Variants in SEMA5A observed in about 807,000 individuals in gnomAD.
The protein encoded by SEMA5A is semaphorin 5A.
In SEMA5A, 55 loss-of-function variants were observed where a neutral mutation model predicts 135.5. The ratio of observed to expected loss-of-function variants is 0.41; its 90% CI spans 0.33 to 0.51. The LOEUF (loss-of-function observed/expected upper bound fraction) is 0.51, where lower values mean the gene tolerates loss of function less well. Ranked by LOEUF, SEMA5A falls within the 20% of genes least tolerant of loss-of-function variation. The pLI is 0.37. For missense variants in SEMA5A, 1,290 were observed against 1,419.9 expected, an observed-to-expected ratio of 0.91 and a Z score of 1.47; for synonymous variants, 580 against 546.5, an observed-to-expected ratio of 1.06 and a Z score of -0.85.
intron 11 of SEMA5A, among the ~76,000 whole-genome samples, chr5:9,161,740 T>C (rs1191702784): frequency 6.6e-6 from 1 of 152,182 alleles, no homozygotes; most frequent in Non-Finnish European, 1.5e-5. Flanking sequence ...ACCCACAACA[T>C]CATGAGCTTC....
chr5:9,174,617 G>A (rs530751801), intron 11 of SEMA5A, among the ~76,000 whole-genome samples: 1 of 152,296 alleles, frequency 6.6e-6, no homozygotes, highest in African/African-American at 2.4e-5. Flanking sequence ...GCCTAAATGT[G>A]CTTAGTAATG....
intron 8 of SEMA5A, among the ~76,000 whole-genome samples, chr5:9,221,514 G>A (rs957934998): frequency 4.0e-5 from 6 of 151,484 alleles, no homozygotes; most frequent in South Asian, 2.1e-4. Context: ...GTGTTAGCCA[G>A]GATGGTCTCG....
At chr5:9,301,032 C>T (rs1751586576) in intron 5 of SEMA5A, among the ~76,000 whole-genome samples, 1 of 152,186 alleles carries the variant, frequency 6.6e-6, no homozygotes, top group African/African-American at 2.4e-5. Context: ...AGCTAATACA[C>T]TACTAAACAG....
chr5:9,472,196 T>C (rs540792830), intron 1 of SEMA5A, among the ~76,000 whole-genome samples: 145 of 152,344 alleles, frequency 9.5e-4, no homozygotes, highest in African/African-American at 3.2e-3. Flanking sequence ...ACAGCATGCA[T>C]CCTCTGGGAA....
At chr5:9,453,193 A>G (rs977972737) in intron 1 of SEMA5A, among the ~76,000 whole-genome samples, 1 of 152,250 alleles carries the variant, frequency 6.6e-6, no homozygotes, top group African/African-American at 2.4e-5. Flanking sequence ...ACATATTTGC[A>G]AATTCACCTG....
intron 16 of SEMA5A, among the ~76,000 whole-genome samples, chr5:9,077,776 C>A (rs907934726): frequency 6.6e-6 from 1 of 152,176 alleles, no homozygotes. Context: ...TTTGAATGGC[C>A]GCATTCACTT....
At chr5:9,415,453 G>C (rs1411810153) in intron 2 of SEMA5A, among the ~76,000 whole-genome samples, 1 of 152,128 alleles carries the variant, frequency 6.6e-6, no homozygotes, top group Admixed American at 6.6e-5. Flanking sequence ...GCACACACCA[G>C]AGCATAAATA....
intron 16 of SEMA5A, among the ~76,000 whole-genome samples, chr5:9,068,279 C>A (rs979350904): frequency 7.9e-5 from 12 of 152,170 alleles, no homozygotes; most frequent in African/African-American, 2.9e-4. Context: ...AGTCTGTAGA[C>A]CTGGTCAGAT....
At chr5:9,515,455 G>T (rs1261256732) in intron 1 of SEMA5A, among the ~76,000 whole-genome samples, 4 of 152,188 alleles carry the variant, frequency 2.6e-5, no homozygotes, top group Non-Finnish European at 5.9e-5. Context: ...TTTTCATTGA[G>T]AACCTTGAAA....
chr5:9,303,087 CACACACACAT>C (rs1404324996), intron 5 of SEMA5A, among the ~76,000 whole-genome samples: 1 of 151,470 alleles, frequency 6.6e-6, no homozygotes, highest in Non-Finnish European at 1.5e-5. Flanking sequence ...AATACACACA[CACACACACAT>C]ACACACACAT....
At chr5:9,384,583 G>A (rs2696363) in intron 2 of SEMA5A, among the ~76,000 whole-genome samples, 4 of 85,014 alleles carry the variant, frequency 4.7e-5, no homozygotes, top group African/African-American at 1.8e-4. Context: ...TAGATAGATA[G>A]ATAGATAGAT....
At chr5:9,144,549 G>A (rs372786627) in intron 12 of SEMA5A, among the ~76,000 whole-genome samples, 3 of 152,290 alleles carry the variant, frequency 2.0e-5, no homozygotes, top group African/African-American at 7.2e-5. Context: ...TACAGCAAGT[G>A]TGAGGTCTGC....
chr5:9,479,091 G>C (rs545473661), intron 1 of SEMA5A, among the ~76,000 whole-genome samples: 85 of 152,250 alleles, frequency 5.6e-4, no homozygotes, highest in South Asian at 1.0e-3. Context: ...TGTACGACGT[G>C]CCTCACTTCC....
intron 3 of SEMA5A, among the ~76,000 whole-genome samples, chr5:9,346,160 G>T (rs911804014): frequency 2.0e-5 from 3 of 152,110 alleles, no homozygotes; most frequent in African/African-American, 7.2e-5. Flanking sequence ...GGACATTGTG[G>T]ACTATGGCTG....
intron 16 of SEMA5A, among the ~76,000 whole-genome samples, chr5:9,073,181 T>C (rs1289700678): frequency 2.6e-5 from 4 of 152,154 alleles, no homozygotes; most frequent in Non-Finnish European, 5.9e-5. Flanking sequence ...GAATGAGTAT[T>C]CCTCATGAAT....
At chr5:9,235,576 G>A (rs1204675537) in intron 6 of SEMA5A, among the ~76,000 whole-genome samples, 6 of 150,204 alleles carry the variant, frequency 4.0e-5, no homozygotes, top group South Asian at 4.2e-4. Flanking sequence ...AAGATCGGAC[G>A]AGGAAATAGC....
intron 7 of SEMA5A, among the ~76,000 whole-genome samples, chr5:9,226,546 C>T (rs867041093): frequency 3.3e-5 from 5 of 151,884 alleles, no homozygotes; most frequent in Admixed American, 1.3e-4. Context: ...GTATCTCTAC[C>T]ATAAAGCAGA....
rs11422018 is a variant in SEMA5A, at chr5:9,462,985, T to TAA, written c.-174-25135_-174-25134dup. 8.9e-4 allele frequency among the ~76,000 whole-genome samples: 113 copies of TAA among 127,232 alleles called. 1 individual carries two copies. In the South Asian group the frequency reaches 0.011, roughly 12 times the overall value. 83.5% of individuals were successfully genotyped at this position (127,232 alleles called of 152,430 possible). On this transcript the variant is annotated intron_variant, in intron 1 of 22. Coordinates refer to ENST00000382496, the MANE Select transcript of SEMA5A (RefSeq NM_003966.3). ...GTATCCCTGAACTTAAAATAAAAGTTAAAAAAAAAAAAAAAGAATTTTCAA... is the reference window on the plus strand; with the variant it reads ...GTATCCCTGAACTTAAAATAAAAGTTAAAAAAAAAAAAAAAAAGAATTTTCAA...
At chr5:9,069,115 A>G (rs533864448) in intron 16 of SEMA5A, among the ~76,000 whole-genome samples, 9 of 152,322 alleles carry the variant, frequency 5.9e-5, no homozygotes, top group African/African-American at 2.2e-4. Flanking sequence ...TGCATGTACC[A>G]AAAGTTCAGA....
Sources: gnomAD v4.1 joint callset for allele counts (sites outside exome capture counted in the v4.1 genomes callset) on GRCh38, gnomAD v4.1.1 for gene constraint, MANE v1.5 for transcripts, NCBI Gene and HGNC (gene_info 2026-07-23, HGNC 2026-07-21) for gene names.